Variants in MACROD2 observed in about 807,000 individuals in gnomAD.
MACROD2 encodes the protein ADP-ribose glycohydrolase MACROD2.
A neutral mutation model predicts 70.4 loss-of-function variants in MACROD2; 36 were observed. That is an observed-to-expected ratio of 0.51 (90% CI 0.39 to 0.68). The LOEUF is 0.68. Ranked by LOEUF, MACROD2 falls within the 30% of genes least tolerant of loss-of-function variation. The pLI, the probability that MACROD2 is intolerant of heterozygous loss-of-function variation, is 0.00. For synonymous variants in MACROD2, 172 were observed against 178.8 expected (o/e 0.96, Z 0.30); for missense variants, 496 against 538.4 (o/e 0.92, Z 0.78).
chr20:15,262,357 T>C (rs1255876295), intron 6 of MACROD2, among the ~76,000 whole-genome samples: 1 of 152,008 alleles, frequency 6.6e-6, no homozygotes, highest in Non-Finnish European at 1.5e-5. Context: ...GTTCCATCCA[T>C]GGTGTTGTAA....
At chr20:15,913,719 C>A (rs996980197) in intron 10 of MACROD2, among the ~76,000 whole-genome samples, 1 of 152,058 alleles carries the variant, frequency 6.6e-6, no homozygotes, top group Non-Finnish European at 1.5e-5. Flanking sequence ...TATATTTCTA[C>A]TATAAAATTT....
intron 5 of MACROD2, among the ~76,000 whole-genome samples, chr20:15,051,339 TG>T (rs1396011471): frequency 8.8e-3 from 1 of 114 alleles, no homozygotes. Flanking sequence ...CAGTAGGAGA[TG>T]TGTGTGTGTG....
At chr20:14,724,604 T>A (rs1225119652) in intron 5 of MACROD2, among the ~76,000 whole-genome samples, 3 of 152,164 alleles carry the variant, frequency 2.0e-5, no homozygotes, top group African/African-American at 7.2e-5. Flanking sequence ...AAGCTGGGGC[T>A]TTAAGAAGGA....
chr20:14,811,743 C>G (rs903301601), intron 5 of MACROD2, among the ~76,000 whole-genome samples: 1 of 151,862 alleles, frequency 6.6e-6, no homozygotes, highest in Non-Finnish European at 1.5e-5. Flanking sequence ...AGAAAAAAAA[C>G]AACCCCATCA....
intron 5 of MACROD2, among the ~76,000 whole-genome samples, chr20:14,745,564 G>A (rs1600617695): frequency 6.6e-6 from 1 of 152,158 alleles, no homozygotes; most frequent in Non-Finnish European, 1.5e-5. Context: ...TTCTGGTTCC[G>A]CTTTTTACTA....
At chr20:15,522,914 C>A (rs1350333611) in intron 8 of MACROD2, among the ~76,000 whole-genome samples, 3 of 152,120 alleles carry the variant, frequency 2.0e-5, no homozygotes, top group African/African-American at 7.2e-5. Context: ...GACACAAATT[C>A]ACTTTCTGCC....
chr20:14,094,402 A>G (rs2054194943), intron 3 of MACROD2, among the ~76,000 whole-genome samples: 2 of 152,222 alleles, frequency 1.3e-5, no homozygotes, highest in Admixed American at 1.3e-4. Context: ...TACATATGAC[A>G]TATCAAGACA....
At chr20:15,433,458 G>GAAAAAA (rs2046388682) in intron 7 of MACROD2, among the ~76,000 whole-genome samples, 2 of 18,428 alleles carry the variant, frequency 1.1e-4, no homozygotes, top group Non-Finnish European at 2.2e-4. Context: ...CACAAGAGCT[G>GAAAAAA]CAAAAAAAAA....
At position 15,197,047 on chromosome 20, in the gene MACROD2, C is replaced by G. The variant is rs966139987; in HGVS notation, c.419-32893C>G. ...AGTTTATGCAGGTGAGTATTTTGCT[C>G]ACTCTTATAAGGTCCTTATAAGGTC... On this transcript the variant is annotated intron_variant, in intron 5 of 17. Coordinates refer to ENST00000684519, the MANE Select transcript of MACROD2 (RefSeq NM_001351661.2). The G allele has an allele frequency of 1.0e-5, 10 of 984,962 alleles. No homozygotes were observed. The African/African-American group carries it at 1.7e-4, about 17-fold the overall frequency. The allele number at this position is 984,962 out of a possible 1,614,324, so 61.0% of individuals were successfully genotyped here.
chr20:15,186,965 T>A (rs770402854), intron 5 of MACROD2, among the ~76,000 whole-genome samples: 39 of 152,370 alleles, frequency 2.6e-4, no homozygotes, highest in South Asian at 1.0e-3. Flanking sequence ...GCCTATTTTT[T>A]AAGAAGCATA....
intron 5 of MACROD2, among the ~76,000 whole-genome samples, chr20:14,711,716 C>T (rs940032199): frequency 2.6e-5 from 4 of 152,148 alleles, no homozygotes; most frequent in Admixed American, 6.6e-5. Context: ...CCAAATCCCC[C>T]GCCCCAGCCC....
intron 5 of MACROD2, among the ~76,000 whole-genome samples, chr20:14,805,393 T>C (rs1357215363): frequency 1.3e-5 from 2 of 152,094 alleles, no homozygotes; most frequent in African/African-American, 4.8e-5. Flanking sequence ...TTTTTACCTC[T>C]ATTTTTCCCC....
At chr20:14,753,655 T>C (rs965541043) in intron 5 of MACROD2, among the ~76,000 whole-genome samples, 1 of 152,170 alleles carries the variant, frequency 6.6e-6, no homozygotes, top group African/African-American at 2.4e-5. Flanking sequence ...TTGCTTTACA[T>C]TATCATGATT....
intron 8 of MACROD2, chr20:15,552,672 T>G (rs2048115372): frequency 6.6e-6 from 1 of 152,204 alleles, no homozygotes; most frequent in African/African-American, 2.4e-5. Flanking sequence ...TACTCAGTTC[T>G]GGTGAATAGC....
At chr20:14,795,739 G>A (rs2072502412) in intron 5 of MACROD2, among the ~76,000 whole-genome samples, 1 of 151,976 alleles carries the variant, frequency 6.6e-6, no homozygotes, top group Admixed American at 6.6e-5. Flanking sequence ...CATGTATCTG[G>A]ATATGTTCAC....
chr20:15,393,286 G>A (rs2045816647), intron 6 of MACROD2, among the ~76,000 whole-genome samples: 1 of 152,074 alleles, frequency 6.6e-6, no homozygotes, highest in Admixed American at 6.5e-5. Flanking sequence ...GATTGGAAGG[G>A]AACAGATGGG....
At chr20:14,605,149 C>T (rs959356403) in intron 4 of MACROD2, among the ~76,000 whole-genome samples, 5 of 152,148 alleles carry the variant, frequency 3.3e-5, no homozygotes, top group Non-Finnish European at 7.4e-5. Context: ...ATATTAGTTT[C>T]CTGGTGCTGT....
intron 3 of MACROD2, among the ~76,000 whole-genome samples, chr20:14,192,133 T>C (rs1193972018): frequency 3.9e-5 from 6 of 152,188 alleles, no homozygotes; most frequent in Non-Finnish European, 2.9e-5. Flanking sequence ...TCTCACTTTC[T>C]CTTCTTCATA....
intron 4 of MACROD2, among the ~76,000 whole-genome samples, chr20:14,578,380 T>A (rs545240110): frequency 1.3e-5 from 2 of 152,284 alleles, no homozygotes; most frequent in Non-Finnish European, 2.9e-5. Context: ...GTGTATGCTT[T>A]ATTTTGTATA....
Sources: gnomAD v4.1 joint callset for allele counts (sites outside exome capture counted in the v4.1 genomes callset) on GRCh38, gnomAD v4.1.1 for gene constraint, MANE v1.5 for transcripts, NCBI Gene and HGNC (gene_info 2026-07-23, HGNC 2026-07-21) for gene names.